SHOX: variants seen among roughly 807,000 people sequenced by gnomAD.
SHOX encodes the protein short stature homeobox protein.
A neutral mutation model predicts 29.6 loss-of-function variants in SHOX; 12 were observed. The observed-to-expected ratio is 0.41, with a 90% CI of 0.26 to 0.66. SHOX has a LOEUF of 0.66. Among genes scored for constraint, SHOX ranks in the 30% least tolerant of loss-of-function variants. The pLI is 0.35. For missense variants in SHOX, 499 were observed against 437.7 expected, an observed-to-expected ratio of 1.14 and a Z score of -1.25; for synonymous variants, 214 against 200.6, an observed-to-expected ratio of 1.07 and a Z score of -0.57.
chrX:655,592 CTCTCTCTCTCTCTCTCTCTCTCTATATA>C (rs2053128971), downstream of SHOX, among the ~76,000 whole-genome samples: 5 of 55,704 alleles, frequency 9.0e-5, no homozygotes, highest in East Asian at 5.7e-4. Context: ...CTCTCTCTCT[CTCTCTCTCTCTCTCTCTCTCTCTATATA>C]TATATATATA....
chrX:626,646 CCTCT>C (rs749093631), upstream of SHOX, among the ~76,000 whole-genome samples: 1 of 116,474 alleles, frequency 8.6e-6, no homozygotes, highest in African/African-American at 3.4e-5. Flanking sequence ...CTCTTTCTCT[CCTCT>C]CTCTCTTTTT....
At chrX:628,271 C>T (rs2052577314), upstream of SHOX, among the ~76,000 whole-genome samples, 1 of 94,490 alleles carries the variant, frequency 1.1e-5, no homozygotes, top group Non-Finnish European at 2.3e-5. Flanking sequence ...CTCTCTCCAT[C>T]TCTCCCTGTC....
chrX:642,483 ACC>A (rs1432181282), intron 4 of SHOX, among the ~76,000 whole-genome samples: 1 of 151,788 alleles, frequency 6.6e-6, no homozygotes, highest in East Asian at 1.9e-4. Flanking sequence ...TCAGAAATGG[ACC>A]CCGAGCGCTG....
downstream of SHOX, among the ~76,000 whole-genome samples, chrX:654,247 G>A (rs2053106765): frequency 6.6e-6 from 1 of 151,362 alleles, no homozygotes; most frequent in Admixed American, 6.6e-5. Flanking sequence ...GACCAGCCTG[G>A]GCAACATAGC....
intron 1 of SHOX, among the ~76,000 whole-genome samples, chrX:633,247 G>T (rs1192626453): frequency 6.6e-6 from 1 of 152,158 alleles, no homozygotes; most frequent in Non-Finnish European, 1.5e-5. Context: ...GGAGCCCGTG[G>T]GTTCTGCAAA....
At chrX:641,522 C>G (rs1290689952) in intron 4 of SHOX, among the ~76,000 whole-genome samples, 1 of 152,070 alleles carries the variant, frequency 6.6e-6, no homozygotes, top group Non-Finnish European at 1.5e-5. Context: ...AACCCCGTCT[C>G]TACTGAAAAC....
chrX:641,126 C>T, intron 4 of SHOX, 39 bp downstream of exon 4: 1 of 1,577,282 alleles, frequency 6.3e-7, no homozygotes, highest in Non-Finnish European at 8.7e-7. Context: ...CCCTAGGGAC[C>T]TGCTGCTCCC....
rs1383869167 is a variant in SHOX at position 651,324 on chromosome X, G to A, written c.*6688G>A. On this transcript the variant is annotated 3_prime_UTR_variant, in exon 5 of 5. Coordinates refer to ENST00000686671, the MANE Select transcript of SHOX (RefSeq NM_000451.4). Reference sequence around the variant, plus strand: ...TTCAGATGAAAACAAATCACACACCGTTTCCCAAACCAACAGTCTTCACAT... The same window carrying A: ...TTCAGATGAAAACAAATCACACACCATTTCCCAAACCAACAGTCTTCACAT... The A allele has an allele frequency of 1.3e-5, 6 of 455,086 alleles. No homozygotes were observed. The highest frequency in any genetic ancestry group is 7.7e-5 in the South Asian group (5 of 64,518). The allele number at this position is 455,086 out of a possible 1,614,324, so 28.2% of individuals were successfully genotyped here. A position where few individuals can be genotyped will look rare whatever the true frequency, so the allele number is the denominator to read the frequency against.
At chrX:635,619 C>A (rs2052731764) in intron 2 of SHOX, among the ~76,000 whole-genome samples, 1 of 152,206 alleles carries the variant, frequency 6.6e-6, no homozygotes, top group South Asian at 2.1e-4. Flanking sequence ...TTCACGCTGC[C>A]CCATGAGACC....
At chrX:639,465 A>C (rs1452427180) in intron 2 of SHOX, among the ~76,000 whole-genome samples, 13 of 152,144 alleles carry the variant, frequency 8.5e-5, no homozygotes, top group Non-Finnish European at 1.6e-4. Context: ...GCTAGATTGG[A>C]GAAGGGGCTG....
chrX:648,907 C>CCTTT lies in SHOX; in HGVS notation c.*4280_*4283dup, dbSNP rs1039396295. 9.6e-6 allele frequency among the ~76,000 whole-genome samples: 1 copy of CCTTT among 104,474 alleles called. No homozygotes were observed. The highest frequency in any genetic ancestry group is 2.9e-5 in the African/African-American group (1 of 33,992). 68.5% of individuals were successfully genotyped at this position (104,474 alleles called of 152,430 possible). On this transcript the variant is annotated 3_prime_UTR_variant, in exon 5 of 5. Coordinates refer to ENST00000686671, the MANE Select transcript of SHOX (RefSeq NM_000451.4). ...CTCCCTTCTCCTTCCTTCCTTCCTT[C>CCTTT]CTTTCTTTCTTTTTCTTTCTTTCTC...
At position 634,615 on chromosome X, in the gene SHOX, C is replaced by T; in HGVS notation, c.278-3C>T. 1.2e-6 allele frequency: 2 copies of T among 1,613,476 alleles called. No individual in the cohort carries two copies. Among genetic ancestry groups the T allele is most frequent in the Non-Finnish European group, 1.7e-6 (2 of 1,179,850 alleles). ...AGCCCTGTGCCCTCCGCTCCCCACGCAGGGATTTATGAATGCAAAGAGAAG... is the reference window on the plus strand; with the variant it reads ...AGCCCTGTGCCCTCCGCTCCCCACGTAGGGATTTATGAATGCAAAGAGAAG... On this transcript the variant is annotated splice_region_variant and splice_polypyrimidine_tract_variant and intron_variant, in intron 1 of 4. Transcript: ENST00000686671.
upstream of SHOX, among the ~76,000 whole-genome samples, chrX:627,609 T>C (rs769499142): frequency 2.6e-5 from 4 of 152,284 alleles, no homozygotes; most frequent in East Asian, 1.9e-4. Flanking sequence ...AGAATTACAA[T>C]TGGGGCTTCA....
chrX:651,431 A>AT lies in SHOX; in HGVS notation c.*6795_*6796insT, dbSNP rs2053062408. 3 of 453,584 alleles carry AT rather than the reference A, an allele frequency of 6.6e-6. No homozygotes were observed. Among genetic ancestry groups the AT allele is most frequent in the Non-Finnish European group, 1.3e-5 (3 of 226,346 alleles). The allele number at this position is 453,584 out of a possible 1,614,324, so 28.1% of individuals were successfully genotyped here. A position where few individuals can be genotyped will look rare whatever the true frequency, so the allele number is the denominator to read the frequency against. ...CAAACAGAAAAAAAAACCAAAAAAAACCACCCTGAGTTTCTCTGGTGACGC... is the reference window on the plus strand; with the variant it reads ...CAAACAGAAAAAAAAACCAAAAAAAATCCACCCTGAGTTTCTCTGGTGACGC... On this transcript the variant is annotated 3_prime_UTR_variant, in exon 5 of 5. Transcript: ENST00000686671.
chrX:632,324 G>A (rs945133609), intron 1 of SHOX, among the ~76,000 whole-genome samples: 31 of 152,248 alleles, frequency 2.0e-4, no homozygotes, highest in African/African-American at 7.5e-4. Flanking sequence ...GGCTCAGAGA[G>A]AGGGGCTGGC....
At chrX:656,664 A>G (rs943298526) in intron 5 of SHOX, among the ~76,000 whole-genome samples, 42 of 151,734 alleles carry the variant, frequency 2.8e-4, no homozygotes, top group African/African-American at 9.7e-4. Context: ...ACACGGTGAA[A>G]CCCCGTCTCT....
At chrX:626,751 CCT>C (rs1231201069), upstream of SHOX, among the ~76,000 whole-genome samples, 1 of 136,504 alleles carries the variant, frequency 7.3e-6, no homozygotes, top group African/African-American at 2.7e-5. Flanking sequence ...TGTGTCTCTA[CCT>C]CTGTCTCTCT....
chrX:634,560 C>A (rs1051610252), intron 1 of SHOX, 58 bp from the exon 2 acceptor site: 11 of 1,580,842 alleles, frequency 7.0e-6, no homozygotes, highest in Non-Finnish European at 8.6e-6. Flanking sequence ...CGAAGGGGTT[C>A]GCCACGTTGC....
At chrX:643,023 G>C (rs1356354132) in intron 4 of SHOX, among the ~76,000 whole-genome samples, 1 of 149,046 alleles carries the variant, frequency 6.7e-6, no homozygotes, top group African/African-American at 2.5e-5. Flanking sequence ...CTCTGGAAGA[G>C]GCTTGGACAC....
Sources: allele counts gnomAD v4.1 joint callset (sites outside exome capture counted in the v4.1 genomes callset), GRCh38; gene constraint gnomAD v4.1.1; transcripts MANE v1.5; gene names NCBI Gene and HGNC (gene_info 2026-07-23, HGNC 2026-07-21).